Variants in PAPPA2 observed in about 807,000 individuals in gnomAD.
PAPPA2 encodes pappalysin-2.
Under a neutral mutation model 176.4 loss-of-function variants are expected in PAPPA2, and 86 were observed. That is an observed-to-expected ratio of 0.49 (90% confidence interval 0.41 to 0.58). The LOEUF (loss-of-function observed/expected upper bound fraction) is 0.58. Among genes scored for constraint, PAPPA2 ranks in the 20% least tolerant of loss-of-function variants. The pLI is 0.00. For synonymous variants in PAPPA2, 809 were observed against 852.2 expected (o/e 0.95, Z 0.88); for missense variants, 2,073 against 2,256.9 (o/e 0.92, Z 1.65).
rs1664208489 is a variant in PAPPA2 at position 176,771,186 on chromosome 1, T to C, written c.4715+6T>C. ...GCAGAGGGTAAAGTCAGGAAGTAAG[T>C]TGAATGTTCCTGGTCTTTGGAGTTC... On this transcript the variant is annotated splice_donor_region_variant and intron_variant, in intron 17 of 22. Coordinates refer to ENST00000367662, the MANE Select transcript of PAPPA2 (RefSeq NM_020318.3). The C allele has an allele frequency of 6.2e-7, 1 of 1,613,042 alleles. No homozygotes were observed. Among genetic ancestry groups the C allele is most frequent in the Non-Finnish European group, 8.5e-7 (1 of 1,179,022 alleles).
chr1:176,507,423 A>G (rs569877141), intron 1 of PAPPA2, among the ~76,000 whole-genome samples: 1 of 152,196 alleles, frequency 6.6e-6, no homozygotes, highest in African/African-American at 2.4e-5. Flanking sequence ...TGACCCAACA[A>G]TCTCATTACT....
intron 3 of PAPPA2, among the ~76,000 whole-genome samples, chr1:176,625,333 A>C (rs1655945289): frequency 6.6e-6 from 1 of 152,206 alleles, no homozygotes; most frequent in Admixed American, 6.5e-5. Context: ...ATTTTGGCAA[A>C]TTAGAAAGGT....
At chr1:176,693,997 A>G (rs960638288) in intron 6 of PAPPA2, among the ~76,000 whole-genome samples, 2 of 152,060 alleles carry the variant, frequency 1.3e-5, no homozygotes, top group Admixed American at 1.3e-4. Flanking sequence ...TGGCAGAAAA[A>G]CCTGCAGTTT....
chr1:176,574,527 C>T (rs762339303), intron 2 of PAPPA2, among the ~76,000 whole-genome samples: 1 of 152,128 alleles, frequency 6.6e-6, no homozygotes, highest in South Asian at 2.1e-4. Flanking sequence ...GACTGCTGGG[C>T]AGCTCCCTTT....
chr1:176,580,198 C>A (rs1009301452), intron 2 of PAPPA2, among the ~76,000 whole-genome samples: 1 of 152,108 alleles, frequency 6.6e-6, no homozygotes, highest in Non-Finnish European at 1.5e-5. Context: ...AACCTCTGTC[C>A]TACCTTTTAC....
intron 3 of PAPPA2, among the ~76,000 whole-genome samples, chr1:176,642,874 C>A (rs1426325108): frequency 1.3e-5 from 2 of 151,924 alleles, no homozygotes; most frequent in Non-Finnish European, 2.9e-5. Flanking sequence ...TCCCTCTAAT[C>A]TTTATAGAAC....
intron 21 of PAPPA2, among the ~76,000 whole-genome samples, chr1:176,805,895 G>A (rs1424348672): frequency 6.6e-6 from 1 of 151,452 alleles, no homozygotes; most frequent in Non-Finnish European, 1.5e-5. Context: ...AGGCTGAGGT[G>A]GGAGGATCAC....
chr1:176,707,328 A>G (rs1175349105), intron 10 of PAPPA2, among the ~76,000 whole-genome samples: 1 of 152,208 alleles, frequency 6.6e-6, no homozygotes, highest in African/African-American at 2.4e-5. Flanking sequence ...CCAGACCTGA[A>G]TCATAGAATG....
chr1:176,595,648 A>G lies in PAPPA2; in HGVS notation c.1991+53A>G, dbSNP rs552589846. 1.0e-4 allele frequency: 153 copies of G among 1,521,938 alleles called. 1 individual carries two copies. In the South Asian group the frequency reaches 1.7e-3, roughly 17 times the overall value. The allele number at this position is 1,521,938 out of a possible 1,614,324, so 94.3% of individuals were successfully genotyped here. On this transcript the variant is annotated intron_variant, in intron 3 of 22. Transcript: ENST00000367662. ...ACTTGTAGGATGCATTTCTAACATC[A>G]TTTTATCTGTTTGGTTTTGGAGGCA...
Position 176,594,755 on chromosome 1 carries a change from A to G in PAPPA2, c.1151A>G (p.Gln384Arg). Residue 384 changes from glutamine (Q) to arginine (R), a missense_variant, in exon 3 of 23, where the codon CAG (glutamine) becomes CGG (arginine). Physicochemically the swap from Gln to Arg is conservative, Grantham distance 43. Around this residue, in one of 4 missense-constraint regions of PAPPA2, gnomAD observed 1,196 missense variants for 1,330.4 expected, o/e 0.90. Transcript: ENST00000367662. ...ATGGCCCTGTATGTGGATGGCACTC[A>G]GGTGGCTAGCAGTCTAGACCAGTCT... ...RHMALYVDGT[Q>R]VASSLDQSGP... The G allele has an allele frequency of 6.2e-7, 1 of 1,614,230 alleles. No homozygotes were observed. The highest frequency in any genetic ancestry group is 8.5e-7 in the Non-Finnish European group (1 of 1,180,032).
At chr1:176,693,210 TCTATTTGTGGCA>T (rs1660205641) in intron 6 of PAPPA2, among the ~76,000 whole-genome samples, 1 of 152,180 alleles carries the variant, frequency 6.6e-6, no homozygotes, top group Admixed American at 6.5e-5. Flanking sequence ...CAGTCCCTGA[TCTATTTGTGGCA>T]CTATATGTGA....
intron 1 of PAPPA2, among the ~76,000 whole-genome samples, chr1:176,470,290 G>C (rs370565262): frequency 6.6e-6 from 1 of 152,102 alleles, no homozygotes; most frequent in South Asian, 2.1e-4. Context: ...CCCCTGGTGG[G>C]CATCTATTTT....
chr1:176,537,719 A>AGTGT (rs57602344), intron 1 of PAPPA2, among the ~76,000 whole-genome samples: 13,476 of 143,518 alleles, frequency 0.094, 634 homozygotes, highest in South Asian at 0.1. Context: ...GTAGGTATGG[A>AGTGT]GTGTGTGTGT....
chr1:176,537,250 A>C (rs1573011639), intron 1 of PAPPA2: 4 of 152,182 alleles, frequency 2.6e-5, no homozygotes. Flanking sequence ...TATGGATTTA[A>C]TTCTGTTCCC....
intron 14 of PAPPA2, among the ~76,000 whole-genome samples, chr1:176,754,865 C>G (rs944748683): frequency 6.6e-6 from 1 of 152,178 alleles, no homozygotes; most frequent in Admixed American, 6.5e-5. Context: ...AAATGACTCT[C>G]AGGCCGTGTC....
chr1:176,691,644 CAA>C (rs1429480545), intron 5 of PAPPA2, among the ~76,000 whole-genome samples: 1 of 152,208 alleles, frequency 6.6e-6, no homozygotes, highest in Admixed American at 6.5e-5. Context: ...TTGCCAGATT[CAA>C]AAGTGAGGCT....
In PAPPA2 at chr1:176,823,550, T is replaced by C. The variant is rs547217098; in HGVS notation, c.5203-16623T>C. Among the ~76,000 whole-genome samples the C allele has an allele frequency of 2.0e-5, 3 of 152,344 alleles. No homozygotes were observed. In the South Asian group the frequency reaches 6.2e-4, roughly 32 times the overall value. ...ACCCTAAAATTGCAGTGATTTACCA[T>C]TACTTTTCTCACTTACATTAAGTCT... On this transcript the variant is annotated intron_variant, in intron 21 of 22. Coordinates refer to ENST00000367662, the MANE Select transcript of PAPPA2 (RefSeq NM_020318.3).
intron 14 of PAPPA2, among the ~76,000 whole-genome samples, chr1:176,756,059 A>G (rs2102894016): frequency 6.6e-6 from 1 of 152,218 alleles, no homozygotes; most frequent in South Asian, 2.1e-4. Flanking sequence ...CCCGGGTTCA[A>G]GCGATTCTCC....
At chr1:176,610,207 T>C (rs1654834010) in intron 3 of PAPPA2, among the ~76,000 whole-genome samples, 1 of 151,758 alleles carries the variant, frequency 6.6e-6, no homozygotes, top group African/African-American at 2.4e-5. Flanking sequence ...CTATGTCTCC[T>C]ATTCCATAGC....
Sources: allele counts gnomAD v4.1 joint callset (sites outside exome capture counted in the v4.1 genomes callset), GRCh38; gene constraint gnomAD v4.1.1; regional missense constraint gnomAD v4.1.1; transcripts MANE v1.5; gene names NCBI Gene and HGNC (gene_info 2026-07-23, HGNC 2026-07-21).